The following CTNNBIP1 variants were observed in gnomAD, a reference collection of about 807,000 sequenced individuals.
CTNNBIP1 encodes catenin beta interacting protein 1, also known as beta-catenin-interacting protein 1.
A neutral mutation model predicts 11.8 loss-of-function variants in CTNNBIP1; 7 were observed. The observed-to-expected ratio is 0.60, with a 90% CI of 0.34 to 1.12. CTNNBIP1 has a LOEUF of 1.12. Among genes scored for constraint, CTNNBIP1 ranks in the 50% most tolerant of loss-of-function variants. The pLI is 0.03. For missense variants in CTNNBIP1, 101 were observed against 113.4 expected, an observed-to-expected ratio of 0.89 and a Z score of 0.50; for synonymous variants, 58 against 43.9, an observed-to-expected ratio of 1.32 and a Z score of -1.26.
In CTNNBIP1 at chr1:9,908,405, G is replaced by C. The variant is rs541715561; in HGVS notation, c.-144+1690C>G. Among the ~76,000 whole-genome samples the C allele has an allele frequency of 2.6e-4, 31 of 119,602 alleles. No homozygotes were observed. In the Admixed American group the frequency reaches 2.9e-3, roughly 11 times the overall value. The allele number at this position is 119,602 out of a possible 152,430, so 78.5% of individuals were successfully genotyped here. ...TTTTTTTTTTTTGAGACGGAGTCTC[G>C]CTCTGTCGCCCAGACTGGAGTGCAG... On this transcript the variant is annotated intron_variant, in intron 1 of 5. Transcript: ENST00000377263.
Position 9,871,074 on chromosome 1 carries a change from G to T in CTNNBIP1, c.187+113C>A. ...GCTGTAGCCCCTCCTAGTCAGCCCTGGGTCTCATGGATCACCCATCAAAGA... is the reference window on the plus strand; with the variant it reads ...GCTGTAGCCCCTCCTAGTCAGCCCTTGGTCTCATGGATCACCCATCAAAGA... On this transcript the variant is annotated intron_variant, in intron 5 of 5. Transcript: ENST00000377263. This position sits in a 1 kb window ranked among gnomAD's most constrained non-coding sequence, Gnocchi z 5.2. 1 of 772,574 alleles carries T rather than the reference G, an allele frequency of 1.3e-6. No individual in the cohort carries two copies. The highest frequency in any genetic ancestry group is 2.1e-6 in the Non-Finnish European group (1 of 479,982). 47.9% of individuals were successfully genotyped at this position (772,574 alleles called of 1,614,324 possible).
intron 1 of CTNNBIP1, among the ~76,000 whole-genome samples, chr1:9,893,822 C>T (rs1639354165): frequency 6.6e-6 from 1 of 152,170 alleles, no homozygotes; most frequent in Admixed American, 6.6e-5. Flanking sequence ...GTCTTACCTG[C>T]TTCTAGAAAA....
At chr1:9,869,919 G>A (rs1412246245) in intron 5 of CTNNBIP1, among the ~76,000 whole-genome samples, 2 of 152,210 alleles carry the variant, frequency 1.3e-5, no homozygotes, top group Non-Finnish European at 2.9e-5. Flanking sequence ...GGGAGCCGAC[G>A]CCACATAGAA....
At chr1:9,900,336 G>A (rs758282677) in intron 1 of CTNNBIP1, among the ~76,000 whole-genome samples, 38 of 152,192 alleles carry the variant, frequency 2.5e-4, no homozygotes, top group Non-Finnish European at 5.1e-4. Flanking sequence ...TTGAGGCTGT[G>A]ATCACGGTGA....
intron 5 of CTNNBIP1, among the ~76,000 whole-genome samples, chr1:9,856,042 G>A (rs1638495797): frequency 6.6e-6 from 1 of 152,096 alleles, no homozygotes; most frequent in Non-Finnish European, 1.5e-5. Context: ...CAGCTACTCG[G>A]GAAGCTGAGG....
Position 9,882,510 on chromosome 1 carries a change from G to A in CTNNBIP1, c.-110+1195C>T, listed in dbSNP as rs1206465605. On this transcript the variant is annotated intron_variant, in intron 2 of 5. Transcript: ENST00000377263. ...CGTAGGAAGGCCCGAAGCAGGAAGA[G>A]TTGTGGCTTAGGCCAAGTTAGAGCT... is the stretch of plus-strand genomic sequence containing the variant. Among the ~76,000 whole-genome samples, 5 of 152,218 alleles carry A rather than the reference G, an allele frequency of 3.3e-5. No individual in the cohort carries two copies. The East Asian group carries it at 9.6e-4, about 29-fold the overall frequency.
chr1:9,903,127 T>C (rs2101546961), intron 1 of CTNNBIP1, among the ~76,000 whole-genome samples: 1 of 152,248 alleles, frequency 6.6e-6, no homozygotes, highest in Middle Eastern at 3.4e-3. Flanking sequence ...GGTGTCCAGA[T>C]TGTAATAAAG....
At chr1:9,882,316 T>C (rs938543865) in intron 2 of CTNNBIP1, among the ~76,000 whole-genome samples, 1 of 152,104 alleles carries the variant, frequency 6.6e-6, no homozygotes, top group African/African-American at 2.4e-5. Context: ...ACGGCTCACA[T>C]GTGATGAGAG....
In CTNNBIP1 at chr1:9,858,684, C is replaced by A. The variant is rs1018464580; in HGVS notation, c.188-7908G>T. Among the ~76,000 whole-genome samples the A allele has an allele frequency of 5.3e-5, 8 of 152,212 alleles. 1 individual carries two copies. Among genetic ancestry groups the A allele is most frequent in the Non-Finnish European group, 1.0e-4 (7 of 68,040 alleles). On this transcript the variant is annotated intron_variant, in intron 5 of 5. Transcript: ENST00000377263. The stretch of plus-strand genomic sequence containing the variant: ...CCCACAGAGCTCTATATTGAGCTGA[C>A]CTTCCTTTCTCCACTGGAACGTACA...
intron 1 of CTNNBIP1, among the ~76,000 whole-genome samples, chr1:9,888,602 G>C (rs1639235140): frequency 6.6e-6 from 1 of 151,948 alleles, no homozygotes. Flanking sequence ...GAGAGGCCCT[G>C]CATCTGTCTA....
At chr1:9,886,472 A>C (rs1348304023) in intron 1 of CTNNBIP1, among the ~76,000 whole-genome samples, 9 of 152,378 alleles carry the variant, frequency 5.9e-5, no homozygotes, top group Non-Finnish European at 1.0e-4. Context: ...TTAAAGAAGC[A>C]GCTGACACGT....
chr1:9,864,617 C>T (rs1000424119), intron 5 of CTNNBIP1, among the ~76,000 whole-genome samples: 11 of 152,160 alleles, frequency 7.2e-5, no homozygotes, highest in Non-Finnish European at 1.3e-4. Flanking sequence ...TGTGAGCCAC[C>T]GTGCCTGGCC....
intron 5 of CTNNBIP1, among the ~76,000 whole-genome samples, chr1:9,865,783 T>TGA (rs1638731785): frequency 6.6e-6 from 1 of 152,210 alleles, no homozygotes; most frequent in Non-Finnish European, 1.5e-5. Flanking sequence ...TTTCTGCTCT[T>TGA]TCTCCCTTTC....
At chr1:9,898,096 C>A in intron 1 of CTNNBIP1, among the ~76,000 whole-genome samples, 1 of 147,128 alleles carries the variant, frequency 6.8e-6, no homozygotes, top group African/African-American at 2.5e-5. Context: ...GTCTGGATAA[C>A]AGAGTGAGAC....
At chr1:9,886,605 A>G (rs573214197) in intron 1 of CTNNBIP1, among the ~76,000 whole-genome samples, 4 of 152,236 alleles carry the variant, frequency 2.6e-5, no homozygotes, top group Admixed American at 6.5e-5. Flanking sequence ...CAGAGGTGAC[A>G]TAACTCACCT....
Position 9,872,863 on chromosome 1 carries a change from G to A in CTNNBIP1, c.-24-775C>T, listed in dbSNP as rs1032596222. 3.3e-5 allele frequency among the ~76,000 whole-genome samples: 5 copies of A among 152,322 alleles called. No homozygotes were observed. The highest frequency in any genetic ancestry group is 3.3e-4 in the Admixed American group (5 of 15,300). ...AGGAGGAGCTGGAGGAGAGGAAGCT[G>A]GGTATGGAGGGGCTTGGGTTACACA... On this transcript the variant is annotated intron_variant, in intron 3 of 5. Transcript: ENST00000377263. This position sits in a 1 kb window ranked among gnomAD's most constrained non-coding sequence, Gnocchi z 4.0.
rs555286783 is a variant in CTNNBIP1, at chr1:9,864,353, G to C, written c.187+6834C>G. Among the ~76,000 whole-genome samples, 4 of 152,318 alleles carry C rather than the reference G, an allele frequency of 2.6e-5. No individual in the cohort carries two copies. The South Asian group carries it at 8.3e-4, about 32-fold the overall frequency. ...CAAGGGCCTTTTCTTTTTTTAGGCC[G>C]AGTCTCGCTCTGTCGCCCAGGCTGG... On this transcript the variant is annotated intron_variant, in intron 5 of 5. Coordinates refer to ENST00000377263, the MANE Select transcript of CTNNBIP1 (RefSeq NM_020248.3).
chr1:9,864,480 C>A lies in CTNNBIP1; in HGVS notation c.187+6707G>T, dbSNP rs192948138. Reference sequence around the variant, plus strand: ...AGTAGCCAGGACTACAGGCGCCCGCCACCACGCCCGGCTAATTTTTTGTAT... The same window carrying A: ...AGTAGCCAGGACTACAGGCGCCCGCAACCACGCCCGGCTAATTTTTTGTAT... On this transcript the variant is annotated intron_variant, in intron 5 of 5. Transcript: ENST00000377263. Among the ~76,000 whole-genome samples the A allele has an allele frequency of 9.2e-5, 14 of 152,356 alleles. No individual in the cohort carries two copies. The East Asian group carries it at 2.7e-3, about 29-fold the overall frequency.
intron 5 of CTNNBIP1, among the ~76,000 whole-genome samples, chr1:9,858,201 C>T (rs1638548475): frequency 6.6e-6 from 1 of 152,172 alleles, no homozygotes; most frequent in African/African-American, 2.4e-5. Flanking sequence ...CCCCGCTTGC[C>T]TTGACCTCCT....
Sources: allele counts gnomAD v4.1 joint callset (sites outside exome capture counted in the v4.1 genomes callset), GRCh38; gene constraint gnomAD v4.1.1; non-coding constraint Gnocchi (gnomAD v3.1); transcripts MANE v1.5; gene names NCBI Gene and HGNC (gene_info 2026-07-23, HGNC 2026-07-21).